GALNT18: variants seen among roughly 807,000 people sequenced by gnomAD.
The protein encoded by GALNT18 is GalNAc-transferase 18.
Under a neutral mutation model 69.5 loss-of-function variants are expected in GALNT18, and 44 were observed. That is an observed-to-expected ratio of 0.63 (90% confidence interval 0.50 to 0.81). The LOEUF (loss-of-function observed/expected upper bound fraction) is 0.81. Among genes scored for constraint, GALNT18 ranks in the 40% least tolerant of loss-of-function variants. The pLI, the probability that GALNT18 is intolerant of heterozygous loss-of-function variation, is 0.00. For missense variants in GALNT18, 715 were observed against 810.0 expected (o/e 0.88, Z 1.42); for synonymous variants, 364 against 318.2 (o/e 1.14, Z -1.53).
At chr11:11,455,329 G>T (rs1268682841) in intron 1 of GALNT18, among the ~76,000 whole-genome samples, 1 of 152,148 alleles carries the variant, frequency 6.6e-6, no homozygotes, top group African/African-American at 2.4e-5. Context: ...CTGATCAAGG[G>T]TATATAAGAT....
chr11:11,518,170 C>T (rs944865620), intron 1 of GALNT18, among the ~76,000 whole-genome samples: 2 of 152,216 alleles, frequency 1.3e-5, no homozygotes, highest in Non-Finnish European at 2.9e-5. Flanking sequence ...CTGCACAAGA[C>T]CTGCCTGTTC....
At position 11,444,878 on chromosome 11, in the gene GALNT18, G is replaced by A. The variant is rs1194616241; in HGVS notation, c.428+3866C>T. Among the ~76,000 whole-genome samples the A allele has an allele frequency of 6.6e-6, 1 of 152,150 alleles. No homozygotes were observed. The highest frequency in any genetic ancestry group is 2.4e-5 in the African/African-American group (1 of 41,446). ...AATTCACAAGAGGCACAGGGGCTCC[G>A]GCTATGGCAAGAGCCACACAGCATG... is the stretch of plus-strand genomic sequence containing the variant. On this transcript the variant is annotated intron_variant, in intron 2 of 10. Transcript: ENST00000227756. The surrounding 1 kb of genome is among the most constrained non-coding windows in gnomAD (Gnocchi z 4.4).
At chr11:11,333,763 G>A (rs528298675) in intron 7 of GALNT18, among the ~76,000 whole-genome samples, 2 of 152,264 alleles carry the variant, frequency 1.3e-5, no homozygotes, top group South Asian at 2.1e-4. Context: ...GTGTCCAGGA[G>A]TGAGAAGGCT....
At chr11:11,524,706 T>A (rs950147574) in intron 1 of GALNT18, among the ~76,000 whole-genome samples, 1 of 152,220 alleles carries the variant, frequency 6.6e-6, no homozygotes, top group Non-Finnish European at 1.5e-5. Context: ...GTGTTTCTTA[T>A]TCTAAGTCAC....
At chr11:11,374,293 T>C (rs1227137016) in intron 5 of GALNT18, among the ~76,000 whole-genome samples, 3 of 152,190 alleles carry the variant, frequency 2.0e-5, no homozygotes, top group Non-Finnish European at 4.4e-5. Flanking sequence ...TCCGATTCCA[T>C]ATCTGTAACA....
rs1859684111 is a variant in GALNT18 at position 11,603,646 on chromosome 11, T to C, written c.235+17713A>G. Among the ~76,000 whole-genome samples the C allele has an allele frequency of 1.3e-5, 2 of 152,166 alleles. No homozygotes were observed. Among genetic ancestry groups the C allele is most frequent in the African/African-American group, 4.8e-5 (2 of 41,434 alleles). ...TATATTTTTAAATGTTTCCATTCCA[T>C]ATTTAAAACTCATTTTCTCTCCCTA... On this transcript the variant is annotated intron_variant, in intron 1 of 10. Coordinates refer to ENST00000227756, the MANE Select transcript of GALNT18 (RefSeq NM_198516.3). The surrounding 1 kb of genome is among the most constrained non-coding windows in gnomAD (Gnocchi z 4.5).
chr11:11,475,658 C>A (rs1333201033), intron 1 of GALNT18: 1 of 152,200 alleles, frequency 6.6e-6, no homozygotes, highest in Non-Finnish European at 1.5e-5. Context: ...ATACTGCTAG[C>A]CAGCCCTGGG....
intron 1 of GALNT18, among the ~76,000 whole-genome samples, chr11:11,510,446 C>A (rs1387569937): frequency 6.7e-6 from 1 of 149,884 alleles, no homozygotes; most frequent in African/African-American, 2.4e-5. Flanking sequence ...GTCACTTCTG[C>A]AAACCTTCCA....
chr11:11,541,677 C>T lies in GALNT18; in HGVS notation c.235+79682G>A, dbSNP rs150050877. ...TCTCAAGGGCCTCATGCTAGTAAGG[C>T]CCCCTTCCCAGCCCCCACACCTCTA... On this transcript the variant is annotated intron_variant, in intron 1 of 10. Coordinates refer to ENST00000227756, the MANE Select transcript of GALNT18 (RefSeq NM_198516.3). The surrounding 1 kb of genome is among the most constrained non-coding windows in gnomAD (Gnocchi z 4.8). Among the ~76,000 whole-genome samples the T allele has an allele frequency of 6.6e-6, 1 of 152,104 alleles. No individual in the cohort carries two copies. The highest frequency in any genetic ancestry group is 1.5e-5 in the Non-Finnish European group (1 of 68,020).
At chr11:11,547,164 C>G (rs991024732) in intron 1 of GALNT18, among the ~76,000 whole-genome samples, 2 of 152,138 alleles carry the variant, frequency 1.3e-5, no homozygotes, top group African/African-American at 4.8e-5. Flanking sequence ...CAAATGACAG[C>G]CACTGCTGTT....
At chr11:11,533,805 G>T in intron 1 of GALNT18, among the ~76,000 whole-genome samples, 1 of 152,194 alleles carries the variant, frequency 6.6e-6, no homozygotes, top group East Asian at 1.9e-4. Context: ...GTGCCATTCC[G>T]AGTAGATGCC....
At chr11:11,427,428 G>A (rs1855158487) in intron 3 of GALNT18, among the ~76,000 whole-genome samples, 1 of 152,190 alleles carries the variant, frequency 6.6e-6, no homozygotes, top group African/African-American at 2.4e-5. Flanking sequence ...CGAGGCGCCA[G>A]CATGCACGGA....
Position 11,621,357 on chromosome 11 carries a change from A to G in GALNT18, c.235+2T>C. Reference sequence around the variant, plus strand: ...CGACCCAAGTTTCCGGGGCGCCCGTACCTTGAATGTGCTGCTTGATGACAT... The same window carrying G: ...CGACCCAAGTTTCCGGGGCGCCCGTGCCTTGAATGTGCTGCTTGATGACAT... On this transcript the variant is annotated splice_donor_variant, in intron 1 of 10. Coordinates refer to ENST00000227756, the MANE Select transcript of GALNT18 (RefSeq NM_198516.3). LOFTEE classifies it high-confidence loss of function. The surrounding 1 kb of genome is among the most constrained non-coding windows in gnomAD (Gnocchi z 9.3). The G allele has an allele frequency of 1.2e-6, 2 of 1,612,692 alleles. No individual in the cohort carries two copies.
chr11:11,574,758 A>C (rs1858877745), intron 1 of GALNT18, among the ~76,000 whole-genome samples: 2 of 125,084 alleles, frequency 1.6e-5, no homozygotes, highest in East Asian at 5.8e-4. Flanking sequence ...AAACAGATGG[A>C]GCCAATTTAA....
intron 6 of GALNT18, among the ~76,000 whole-genome samples, chr11:11,349,943 AATG>A (rs57523460): frequency 0.21 from 31,969 of 152,000 alleles, 3,468 homozygotes; most frequent in Admixed American, 0.27. Flanking sequence ...TGGAAAAAAA[AATG>A]ATGCTTTTTC....
rs116988717 is a variant in GALNT18 at position 11,534,589 on chromosome 11, G to A, written c.236-85653C>T. Among the ~76,000 whole-genome samples the A allele has an allele frequency of 6.9e-3, 1,051 of 152,294 alleles. 7 individuals carry two copies. The highest frequency in any genetic ancestry group is 0.03 in the South Asian group (143 of 4,826). ...CCAGAGCTACAGACATACACACTGAGATACAGGTCTATCCTTGCCCAAGAC... is the reference window on the plus strand; with the variant it reads ...CCAGAGCTACAGACATACACACTGAAATACAGGTCTATCCTTGCCCAAGAC... On this transcript the variant is annotated intron_variant, in intron 1 of 10. Transcript: ENST00000227756.
chr11:11,599,213 G>T (rs77502339), intron 1 of GALNT18, among the ~76,000 whole-genome samples: 1,894 of 152,172 alleles, frequency 0.012, 47 homozygotes, highest in African/African-American at 0.044. Context: ...AACTATTAAT[G>T]TTGAATTGTA....
At chr11:11,446,558 C>A (rs1855657692) in intron 2 of GALNT18, among the ~76,000 whole-genome samples, 1 of 152,052 alleles carries the variant, frequency 6.6e-6, no homozygotes, top group African/African-American at 2.4e-5. Context: ...CTCTGCAGCT[C>A]CTCTGTGGAC....
intron 9 of GALNT18, among the ~76,000 whole-genome samples, chr11:11,312,504 G>A (rs1849688725): frequency 6.6e-6 from 1 of 152,180 alleles, no homozygotes; most frequent in Non-Finnish European, 1.5e-5. Flanking sequence ...GGGCATCTTT[G>A]TGTTCAGCAG....
Sources: gnomAD v4.1 joint callset for allele counts (sites outside exome capture counted in the v4.1 genomes callset) on GRCh38, gnomAD v4.1.1 for gene constraint, Gnocchi (gnomAD v3.1) non-coding constraint, MANE v1.5 for transcripts, NCBI Gene and HGNC (gene_info 2026-07-23, HGNC 2026-07-21) for gene names.